Variants in HS3ST4 observed in about 807,000 individuals in gnomAD.
HS3ST4 encodes heparan sulfate-glucosamine 3-sulfotransferase 4.
Under a neutral mutation model 29.2 loss-of-function variants are expected in HS3ST4, and 17 were observed. That is an observed-to-expected ratio of 0.58 (90% CI 0.40 to 0.87). The LOEUF (loss-of-function observed/expected upper bound fraction) is 0.87. HS3ST4 is among the 40% of genes least tolerant of loss of function. HS3ST4 has a pLI of 0.00. For missense variants in HS3ST4, 627 were observed against 634.5 expected (o/e 0.99, Z 0.13); for synonymous variants, 314 against 285.7 (o/e 1.10, Z -1.00).
intron 1 of HS3ST4, among the ~76,000 whole-genome samples, chr16:25,897,419 T>A (rs1030095835): frequency 1.3e-5 from 2 of 152,036 alleles, no homozygotes; most frequent in African/African-American, 4.8e-5. Context: ...GCTGCTGCAC[T>A]CCAGCCTGGG....
At chr16:25,767,361 T>G (rs190246372) in intron 1 of HS3ST4, among the ~76,000 whole-genome samples, 13 of 152,108 alleles carry the variant, frequency 8.5e-5, no homozygotes, top group African/African-American at 2.2e-4. Context: ...CAAACAGATG[T>G]GTCAAATTAG....
chr16:25,751,987 T>C (rs947133831), intron 1 of HS3ST4, among the ~76,000 whole-genome samples: 1 of 141,714 alleles, frequency 7.1e-6, no homozygotes, highest in African/African-American at 2.6e-5. Flanking sequence ...ACTCAACTGC[T>C]TCCATTTCCC....
intron 1 of HS3ST4, among the ~76,000 whole-genome samples, chr16:26,102,684 T>C (rs1191159968): frequency 6.6e-6 from 1 of 152,236 alleles, no homozygotes; most frequent in Non-Finnish European, 1.5e-5. Flanking sequence ...TGATTTACTT[T>C]CTCTGGGTTT....
intron 1 of HS3ST4, among the ~76,000 whole-genome samples, chr16:26,091,355 G>A (rs1898854119): frequency 6.6e-6 from 1 of 152,116 alleles, no homozygotes; most frequent in Non-Finnish European, 1.5e-5. Flanking sequence ...CATAAGATGT[G>A]GCACATAATA....
At chr16:26,074,887 T>C (rs946561969) in intron 1 of HS3ST4, among the ~76,000 whole-genome samples, 25 of 152,240 alleles carry the variant, frequency 1.6e-4, no homozygotes, top group African/African-American at 6.0e-4. Context: ...TTTGTCTGAC[T>C]AACTTTAACT....
intron 1 of HS3ST4, among the ~76,000 whole-genome samples, chr16:25,996,814 C>T (rs1969162878): frequency 6.6e-6 from 1 of 152,048 alleles, no homozygotes; most frequent in Non-Finnish European, 1.5e-5. Flanking sequence ...AAATTACATT[C>T]CATTAATATA....
chr16:25,778,191 G>A (rs567676797), intron 1 of HS3ST4, among the ~76,000 whole-genome samples: 2 of 152,130 alleles, frequency 1.3e-5, no homozygotes, highest in East Asian at 3.9e-4. Flanking sequence ...TACTTCCCAG[G>A]TGTAACTGAC....
intron 1 of HS3ST4, among the ~76,000 whole-genome samples, chr16:26,104,859 G>A (rs1036192740): frequency 7.3e-5 from 11 of 151,684 alleles, no homozygotes; most frequent in African/African-American, 2.4e-4. Flanking sequence ...TTGGACTGGA[G>A]CAGTCCTTGG....
chr16:25,884,265 C>T (rs1281157893), intron 1 of HS3ST4, among the ~76,000 whole-genome samples: 1 of 152,158 alleles, frequency 6.6e-6, no homozygotes. Context: ...GGCTATTGTA[C>T]ATGCTGTCAC....
At chr16:25,787,271 T>C (rs889884175) in intron 1 of HS3ST4, among the ~76,000 whole-genome samples, 1 of 152,184 alleles carries the variant, frequency 6.6e-6, no homozygotes, top group Non-Finnish European at 1.5e-5. Context: ...TTAGCAACAG[T>C]GTAAGTATTG....
chr16:26,095,665 G>A (rs980159783), intron 1 of HS3ST4, among the ~76,000 whole-genome samples: 8 of 152,154 alleles, frequency 5.3e-5, no homozygotes, highest in Non-Finnish European at 1.2e-4. Context: ...GAGAAAGCAG[G>A]AAAGATCTAA....
intron 1 of HS3ST4, among the ~76,000 whole-genome samples, chr16:25,978,996 CA>C (rs1339752631): frequency 1.5e-5 from 2 of 135,460 alleles, no homozygotes; most frequent in Non-Finnish European, 3.1e-5. Flanking sequence ...CTCCCGGGTT[CA>C]AGCGATTCTC....
intron 1 of HS3ST4, among the ~76,000 whole-genome samples, chr16:25,982,682 C>A (rs191703024): frequency 6.6e-6 from 1 of 151,734 alleles, no homozygotes; most frequent in Non-Finnish European, 1.5e-5. Flanking sequence ...TTTTTTAAAC[C>A]GGTAGGGTAT....
chr16:26,025,659 A>G (rs1969463348), intron 1 of HS3ST4, among the ~76,000 whole-genome samples: 1 of 152,222 alleles, frequency 6.6e-6, no homozygotes, highest in Admixed American at 6.5e-5. Flanking sequence ...GCAGGCTCCT[A>G]TGCCTCTGCA....
At chr16:26,034,329 C>CA (rs1969562736) in intron 1 of HS3ST4, among the ~76,000 whole-genome samples, 1 of 152,162 alleles carries the variant, frequency 6.6e-6, no homozygotes, top group African/African-American at 2.4e-5. Flanking sequence ...CAGCATCTAC[C>CA]ACCGAAGCCT....
At chr16:26,029,362 A>G (rs1352424765) in intron 1 of HS3ST4, among the ~76,000 whole-genome samples, 1 of 151,842 alleles carries the variant, frequency 6.6e-6, no homozygotes, top group African/African-American at 2.4e-5. Flanking sequence ...CCATCTTAAA[A>G]TTCTTAATAA....
chr16:25,869,765 T>C (rs796094712), intron 1 of HS3ST4, among the ~76,000 whole-genome samples: 4 of 152,332 alleles, frequency 2.6e-5, no homozygotes, highest in African/African-American at 9.6e-5. Context: ...ACAGAATAAC[T>C]TATCCCTGGG....
At chr16:25,834,776 T>C (rs1967340778) in intron 1 of HS3ST4, among the ~76,000 whole-genome samples, 1 of 152,052 alleles carries the variant, frequency 6.6e-6, no homozygotes, top group African/African-American at 2.4e-5. Flanking sequence ...CGAAACTCTG[T>C]CTCTACCAAA....
intron 1 of HS3ST4, among the ~76,000 whole-genome samples, chr16:25,727,619 A>G (rs990203705): frequency 6.6e-6 from 1 of 152,174 alleles, no homozygotes; most frequent in East Asian, 1.9e-4. Flanking sequence ...ACACTTGGAA[A>G]GAGTTAACTC....
Sources: allele counts gnomAD v4.1 joint callset (sites outside exome capture counted in the v4.1 genomes callset), GRCh38; gene constraint gnomAD v4.1.1; transcripts MANE v1.5; gene names NCBI Gene and HGNC (gene_info 2026-07-23, HGNC 2026-07-21).